Variants in VAV3 observed in about 807,000 individuals in gnomAD.
The protein encoded by VAV3 is guanine nucleotide exchange factor VAV3.
Under a neutral mutation model 131.2 loss-of-function variants are expected in VAV3, and 94 were observed. The ratio of observed to expected loss-of-function variants is 0.72; its 90% CI spans 0.61 to 0.85. VAV3 has a LOEUF of 0.85. VAV3 is among the 40% of genes least tolerant of loss of function. The probability of loss-of-function intolerance (pLI) is 0.00; values close to 1 mark genes in which losing one functional copy is unlikely to be tolerated. For missense variants in VAV3, 939 were observed against 1,002.7 expected (o/e 0.94, Z 0.86); for synonymous variants, 349 against 342.0 (o/e 1.02, Z -0.22).
At chr1:107,814,963 T>C (rs1667501976) in intron 2 of VAV3, among the ~76,000 whole-genome samples, 1 of 152,128 alleles carries the variant, frequency 6.6e-6, no homozygotes, top group Admixed American at 6.6e-5. Flanking sequence ...CAATAGAACT[T>C]GGTGACAATT....
chr1:107,796,706 A>G (rs1367111121), intron 2 of VAV3, among the ~76,000 whole-genome samples: 1 of 151,974 alleles, frequency 6.6e-6, no homozygotes, highest in African/African-American at 2.4e-5. Flanking sequence ...CTCACAAAAT[A>G]AATTCCTGGG....
intron 6 of VAV3, among the ~76,000 whole-genome samples, chr1:107,769,558 C>T (rs552976160): frequency 6.6e-6 from 1 of 152,350 alleles, no homozygotes; most frequent in South Asian, 2.1e-4. Context: ...CACTTAGTCC[C>T]AGGGCCTTAA....
intron 25 of VAV3, among the ~76,000 whole-genome samples, chr1:107,574,963 C>CTCTCTG (rs1304869776): frequency 8.6e-4 from 70 of 81,134 alleles, no homozygotes; most frequent in African/African-American, 2.8e-3. Flanking sequence ...TTGAGTTTCT[C>CTCTCTG]TGTGTGTGTG....
chr1:107,855,543 G>A (rs758930660), intron 2 of VAV3, among the ~76,000 whole-genome samples: 1 of 152,070 alleles, frequency 6.6e-6, no homozygotes, highest in Non-Finnish European at 1.5e-5. Context: ...CTCCCAAAGT[G>A]CTAAGATTAC....
chr1:107,963,554 C>T (rs974088953), intron 1 of VAV3: 1 of 152,178 alleles, frequency 6.6e-6, no homozygotes, highest in Non-Finnish European at 1.5e-5. Flanking sequence ...ACACTGACAC[C>T]AAGAATCACA....
chr1:107,642,666 C>A lies in VAV3; in HGVS notation c.1867G>T (p.Asp623Tyr). The stretch of plus-strand genomic sequence containing the variant: ...TCTCCTTTCAGAAGTTCAACGGTAT[C>A]CCCGGCCTGGAGCTGTAAAGGGGGT... The part of the protein sequence containing the change: ...EGPPLQLQAG[D>Y]TVELLKGDAH... The change falls in exon 20 of 27, where the codon GAT (aspartate) becomes TAT (tyrosine). Residue 623 changes from aspartate to tyrosine, a missense_variant. By Grantham distance (160) the Asp-to-Tyr change is radical. Transcript: ENST00000370056. 1 of 1,613,262 alleles carries A rather than the reference C, an allele frequency of 6.2e-7. No individual in the cohort carries two copies. The highest frequency in any genetic ancestry group is 8.5e-7 in the Non-Finnish European group (1 of 1,179,600).
At chr1:107,808,972 T>C (rs369040433) in intron 2 of VAV3, among the ~76,000 whole-genome samples, 5 of 152,244 alleles carry the variant, frequency 3.3e-5, no homozygotes, top group East Asian at 1.9e-4. Context: ...TGCCAATCGA[T>C]GAAGGCATTT....
intron 2 of VAV3, among the ~76,000 whole-genome samples, chr1:107,799,442 CTAAA>C (rs1414182847): frequency 7.0e-6 from 1 of 142,054 alleles, no homozygotes; most frequent in African/African-American, 2.9e-5. Context: ...GGTAACTTAA[CTAAA>C]TATGAACCAA....
chr1:107,772,893 C>T, intron 4 of VAV3, 50 bp from the exon 5 acceptor site: 3 of 1,456,278 alleles, frequency 2.1e-6, no homozygotes, highest in East Asian at 2.3e-5. Context: ...GCAGTAAATG[C>T]AATAGCTACA....
chr1:107,908,340 T>C (rs988333246), intron 1 of VAV3, among the ~76,000 whole-genome samples: 2 of 152,180 alleles, frequency 1.3e-5, no homozygotes, highest in Non-Finnish European at 2.9e-5. Context: ...GCTGATATCA[T>C]AGGTGGTGGC....
At chr1:107,728,846 G>C (rs1662040733) in intron 15 of VAV3, among the ~76,000 whole-genome samples, 1 of 152,124 alleles carries the variant, frequency 6.6e-6, no homozygotes, top group Non-Finnish European at 1.5e-5. Context: ...TTGTCACCAA[G>C]TATCATTTTA....
chr1:107,862,123 A>G (rs769295695), intron 2 of VAV3, among the ~76,000 whole-genome samples: 2 of 151,564 alleles, frequency 1.3e-5, no homozygotes, highest in African/African-American at 2.4e-5. Context: ...TATTTCTTCA[A>G]TGGAGTTCTC....
intron 1 of VAV3, among the ~76,000 whole-genome samples, chr1:107,879,851 A>C (rs1368687911): frequency 6.6e-6 from 1 of 152,198 alleles, no homozygotes; most frequent in Non-Finnish European, 1.5e-5. Flanking sequence ...TATCCATATA[A>C]GAGTTGCCAA....
chr1:107,753,538 A>G (rs1327006431), intron 12 of VAV3, among the ~76,000 whole-genome samples: 1 of 93,148 alleles, frequency 1.1e-5, no homozygotes, highest in Admixed American at 1.1e-4. Context: ...GTATATATAT[A>G]TATATATATA....
intron 4 of VAV3, among the ~76,000 whole-genome samples, chr1:107,776,536 T>C (rs1665367050): frequency 6.6e-6 from 1 of 152,164 alleles, no homozygotes; most frequent in Non-Finnish European, 1.5e-5. Context: ...GTCACAAGGC[T>C]AAAACAAGCC....
At chr1:107,645,899 C>A (rs1041796412) in intron 19 of VAV3, among the ~76,000 whole-genome samples, 20 of 152,164 alleles carry the variant, frequency 1.3e-4, no homozygotes, top group Admixed American at 1.3e-4. Context: ...AGAACATTCA[C>A]CACACATCCC....
At chr1:107,600,808 A>T (rs1651792053) in intron 24 of VAV3, among the ~76,000 whole-genome samples, 1 of 152,208 alleles carries the variant, frequency 6.6e-6, no homozygotes, top group Non-Finnish European at 1.5e-5. Context: ...ACACAAAGCT[A>T]AATTCATTGG....
intron 1 of VAV3, among the ~76,000 whole-genome samples, chr1:107,907,254 C>T (rs909973761): frequency 1.3e-5 from 2 of 152,128 alleles, no homozygotes; most frequent in African/African-American, 4.8e-5. Context: ...GAGCAAATCA[C>T]TGATATAAGA....
chr1:107,614,337 A>G (rs2769670), intron 21 of VAV3, among the ~76,000 whole-genome samples: 1,848 of 152,170 alleles, frequency 0.012, 30 homozygotes, highest in African/African-American at 0.039. Flanking sequence ...TAAGCCCAGA[A>G]TAGAACATTC....
Sources: allele counts gnomAD v4.1 joint callset (sites outside exome capture counted in the v4.1 genomes callset), GRCh38; gene constraint gnomAD v4.1.1; transcripts MANE v1.5; gene names NCBI Gene and HGNC (gene_info 2026-07-23, HGNC 2026-07-21).